Variants in CNTN5 observed in about 807,000 individuals in gnomAD.
CNTN5 encodes the protein contactin-5.
Under a neutral mutation model 129.1 loss-of-function variants are expected in CNTN5, and 77 were observed. That is an observed-to-expected ratio of 0.60 (90% CI 0.50 to 0.72). The LOEUF (loss-of-function observed/expected upper bound fraction) is 0.72. Ranked by LOEUF, CNTN5 falls within the 30% of genes least tolerant of loss-of-function variation. CNTN5 has a pLI of 0.00. For missense variants in CNTN5, 1,478 were observed against 1,328.8 expected, an observed-to-expected ratio of 1.11 and a Z score of -1.75; for synonymous variants, 509 against 465.6, an observed-to-expected ratio of 1.09 and a Z score of -1.20.
chr11:99,375,499 T>C (rs1367855556), intron 2 of CNTN5, among the ~76,000 whole-genome samples: 2 of 152,062 alleles, frequency 1.3e-5, no homozygotes, highest in Non-Finnish European at 2.9e-5. Flanking sequence ...AGATGGAGTT[T>C]ATTAAAGAAC....
At chr11:99,864,886 C>T (rs1948313163) in intron 6 of CNTN5, among the ~76,000 whole-genome samples, 1 of 152,058 alleles carries the variant, frequency 6.6e-6, no homozygotes, top group Non-Finnish European at 1.5e-5. Context: ...CTGTTTGTTT[C>T]CACTAAAAGG....
chr11:99,152,630 T>TA (rs1166584866), intron 1 of CNTN5, among the ~76,000 whole-genome samples: 3 of 152,232 alleles, frequency 2.0e-5, no homozygotes, highest in African/African-American at 7.2e-5. Flanking sequence ...TTGAAGCGCT[T>TA]AGCCCGTTTA....
At chr11:99,450,879 A>C (rs1350321048) in intron 2 of CNTN5, among the ~76,000 whole-genome samples, 4 of 151,030 alleles carry the variant, frequency 2.6e-5, no homozygotes, top group African/African-American at 9.7e-5. Context: ...CCAATTTGCA[A>C]ATACAGAATC....
intron 1 of CNTN5, among the ~76,000 whole-genome samples, chr11:99,220,734 G>A (rs1860359248): frequency 3.3e-5 from 5 of 151,856 alleles, no homozygotes. Context: ...GACTAGGAGG[G>A]CCAGATTAAT....
At chr11:100,303,573 CCTT>C (rs1565415234) in intron 20 of CNTN5, among the ~76,000 whole-genome samples, 1 of 1,156 alleles carries the variant, frequency 8.7e-4, no homozygotes, top group East Asian at 0.12. Context: ...TGCGCTTTAT[CCTT>C]TATCCTTTAT....
At chr11:99,463,664 G>A (rs1438055031) in intron 2 of CNTN5, among the ~76,000 whole-genome samples, 1 of 151,978 alleles carries the variant, frequency 6.6e-6, no homozygotes, top group African/African-American at 2.4e-5. Flanking sequence ...AGGAAAAATA[G>A]AACCATTTAA....
At chr11:99,645,933 C>A (rs1198947756) in intron 3 of CNTN5, among the ~76,000 whole-genome samples, 1 of 152,114 alleles carries the variant, frequency 6.6e-6, no homozygotes, top group East Asian at 1.9e-4. Flanking sequence ...TATCCCATAA[C>A]TTAAAGTATA....
At chr11:99,491,459 G>A (rs894601007) in intron 2 of CNTN5, among the ~76,000 whole-genome samples, 1 of 152,094 alleles carries the variant, frequency 6.6e-6, no homozygotes, top group Non-Finnish European at 1.5e-5. Context: ...CTAGTAAGCA[G>A]ACCTCTAGCA....
intron 1 of CNTN5, among the ~76,000 whole-genome samples, chr11:99,115,716 C>T (rs1002240364): frequency 7.9e-5 from 12 of 152,146 alleles, no homozygotes; most frequent in Admixed American, 2.6e-4. Flanking sequence ...GCTGAGATCA[C>T]GCCATTGCAC....
At chr11:99,997,036 A>C in intron 8 of CNTN5, among the ~76,000 whole-genome samples, 1 of 152,150 alleles carries the variant, frequency 6.6e-6, no homozygotes, top group East Asian at 1.9e-4. Context: ...GCACATTTCA[A>C]AACTAATCAT....
intron 1 of CNTN5, among the ~76,000 whole-genome samples, chr11:99,205,682 G>A (rs534919413): frequency 2.6e-5 from 4 of 152,168 alleles, no homozygotes; most frequent in African/African-American, 9.6e-5. Context: ...TCTTTCCCAC[G>A]CAAAAGGGTA....
At chr11:99,948,001 G>A (rs1325971350) in intron 7 of CNTN5, among the ~76,000 whole-genome samples, 1 of 152,078 alleles carries the variant, frequency 6.6e-6, no homozygotes. Flanking sequence ...TGGATAAAAG[G>A]TAATATTTTA....
At chr11:99,931,201 GT>G (rs988265066) in intron 7 of CNTN5, among the ~76,000 whole-genome samples, 5 of 152,082 alleles carry the variant, frequency 3.3e-5, no homozygotes, top group Admixed American at 3.3e-4. Flanking sequence ...ATAGAAAAAT[GT>G]TTTGTTCTTT....
At chr11:99,291,953 G>C (rs1045454096) in intron 1 of CNTN5, among the ~76,000 whole-genome samples, 2 of 152,058 alleles carry the variant, frequency 1.3e-5, no homozygotes, top group African/African-American at 4.8e-5. Flanking sequence ...AAACTGGATT[G>C]ATGCTACTGT....
chr11:99,543,494 C>G (rs1373500418), intron 2 of CNTN5, among the ~76,000 whole-genome samples: 1 of 152,198 alleles, frequency 6.6e-6, no homozygotes, highest in Non-Finnish European at 1.5e-5. Context: ...GCTAGACTTA[C>G]TTTCTTAATC....
At chr11:99,836,223 C>G (rs1036447957) in intron 4 of CNTN5, among the ~76,000 whole-genome samples, 24 of 150,838 alleles carry the variant, frequency 1.6e-4, no homozygotes, top group Admixed American at 2.0e-4. Flanking sequence ...ATACATGTGC[C>G]ATGTTGGTGT....
At chr11:99,576,469 G>A (rs1451359835) in intron 3 of CNTN5, among the ~76,000 whole-genome samples, 2 of 152,072 alleles carry the variant, frequency 1.3e-5, no homozygotes, top group African/African-American at 2.4e-5. Flanking sequence ...GCCTTTCATT[G>A]ATGTTTTTCT....
chr11:99,411,107 A>T (rs1942370848), intron 2 of CNTN5, among the ~76,000 whole-genome samples: 1 of 152,194 alleles, frequency 6.6e-6, no homozygotes, highest in Non-Finnish European at 1.5e-5. Context: ...TAATCAATAA[A>T]TCTATATTGG....
intron 1 of CNTN5, among the ~76,000 whole-genome samples, chr11:99,227,304 T>G (rs139592213): frequency 0.017 from 2,618 of 151,250 alleles, 39 homozygotes; most frequent in African/African-American, 0.037. Flanking sequence ...AGATTGCAGT[T>G]AGCTGAGATG....
Sources: allele counts gnomAD v4.1 joint callset (sites outside exome capture counted in the v4.1 genomes callset), GRCh38; gene constraint gnomAD v4.1.1; transcripts MANE v1.5; gene names NCBI Gene and HGNC (gene_info 2026-07-23, HGNC 2026-07-21).